Variants in SNX7 observed in about 807,000 individuals in gnomAD.
SNX7 encodes sorting nexin 7, also known as sorting nexin-7.
A neutral mutation model predicts 48.4 loss-of-function variants in SNX7; 35 were observed. The ratio of observed to expected loss-of-function variants is 0.72; its 90% CI spans 0.55 to 0.96. The LOEUF (loss-of-function observed/expected upper bound fraction) is 0.96, where lower values mean the gene tolerates loss of function less well. SNX7 is among the 40% of genes least tolerant of loss of function. The pLI, the probability that SNX7 is intolerant of heterozygous loss-of-function variation, is 0.00. For synonymous variants in SNX7, 190 were observed against 190.2 expected (o/e 1.00, Z 0.01); for missense variants, 553 against 548.9 (o/e 1.01, Z -0.07).
chr1:98,715,542 A>G (rs1652542532), intron 7 of SNX7, among the ~76,000 whole-genome samples: 1 of 152,072 alleles, frequency 6.6e-6, no homozygotes, highest in African/African-American at 2.4e-5. Flanking sequence ...TTAACTTTCA[A>G]TTTATTCATG....
At chr1:98,756,422 GTTT>G (rs35117249) in intron 8 of SNX7, among the ~76,000 whole-genome samples, 5 of 54,690 alleles carry the variant, frequency 9.1e-5, no homozygotes, top group African/African-American at 3.4e-4. Flanking sequence ...TGCCAGATGA[GTTT>G]TTTTTTTTTT....
In SNX7 at chr1:98,760,236, G is replaced by A; in HGVS notation, c.*105G>A. ...TTATAAAGTGGATGAAAAATGTTTT[G>A]TACCCATCTGGAAAACCAACAACTT... On this transcript the variant is annotated 3_prime_UTR_variant, in exon 9 of 9. Coordinates refer to ENST00000306121, the MANE Select transcript of SNX7 (RefSeq NM_015976.5). 1.2e-6 allele frequency: 1 copy of A among 856,298 alleles called. No homozygotes were observed. Among genetic ancestry groups the A allele is most frequent in the Non-Finnish European group, 1.9e-6 (1 of 533,620 alleles). The allele number at this position is 856,298 out of a possible 1,614,324, so 53.0% of individuals were successfully genotyped here.
chr1:98,691,201 T>G lies in SNX7; in HGVS notation c.474+16T>G. ...GATTATTCCAGTAAGTTTGCAAAAT[T>G]TTTTTTTTCATAGAATAGCTACCAG... On this transcript the variant is annotated intron_variant, in intron 3 of 8. Coordinates refer to ENST00000306121, the MANE Select transcript of SNX7 (RefSeq NM_015976.5). The G allele has an allele frequency of 1.9e-6, 3 of 1,556,146 alleles. No individual in the cohort carries two copies. The highest frequency in any genetic ancestry group is 2.6e-6 in the Non-Finnish European group (3 of 1,145,162).
intron 4 of SNX7, among the ~76,000 whole-genome samples, chr1:98,695,265 G>C (rs569688481): frequency 6.6e-6 from 1 of 152,176 alleles, no homozygotes; most frequent in Non-Finnish European, 1.5e-5. Context: ...TTCTTTTAAA[G>C]ATTTACGGTC....
chr1:98,685,098 T>C (rs1344192850), intron 2 of SNX7, 31 bp downstream of exon 2: 4 of 1,330,434 alleles, frequency 3.0e-6, no homozygotes, highest in Non-Finnish European at 4.0e-6. Context: ...TTCTTGAATA[T>C]AGCTGCTTTT....
At chr1:98,662,047 C>T (rs1403851305) in intron 1 of SNX7, 136 bp downstream of exon 1, 36 of 981,712 alleles carry the variant, frequency 3.7e-5, no homozygotes, top group South Asian at 5.4e-5. Context: ...TGAGGTCCCC[C>T]GGGCTGCTGG....
intron 7 of SNX7, among the ~76,000 whole-genome samples, chr1:98,734,955 T>C (rs1353991334): frequency 1.3e-5 from 2 of 152,174 alleles, no homozygotes; most frequent in Non-Finnish European, 2.9e-5. Flanking sequence ...TTAAATCCTA[T>C]CTAGCCCAGT....
intron 2 of SNX7, among the ~76,000 whole-genome samples, chr1:98,686,098 G>C (rs574921122): frequency 1.3e-5 from 2 of 152,204 alleles, no homozygotes; most frequent in African/African-American, 4.8e-5. Flanking sequence ...TCTGTTTGCT[G>C]TGTCCATCCC....
chr1:98,670,824 AC>A (rs1649815841), intron 1 of SNX7, among the ~76,000 whole-genome samples: 1 of 151,968 alleles, frequency 6.6e-6, no homozygotes, highest in Non-Finnish European at 1.5e-5. Context: ...AATTATGAGG[AC>A]CTATAGGAAA....
chr1:98,695,436 C>T, intron 4 of SNX7, 82 bp from the exon 5 acceptor site: 1 of 1,306,526 alleles, frequency 7.7e-7, no homozygotes, highest in South Asian at 1.3e-5. Context: ...TGATTTTATT[C>T]TCCTAATTAG....
At chr1:98,671,331 A>G (rs542423438) in intron 1 of SNX7, among the ~76,000 whole-genome samples, 7 of 152,156 alleles carry the variant, frequency 4.6e-5, no homozygotes, top group Non-Finnish European at 7.4e-5. Context: ...GCATGTATCA[A>G]TCAAGCTGGA....
intron 5 of SNX7, among the ~76,000 whole-genome samples, chr1:98,696,910 C>T (rs1340440686): frequency 1.3e-5 from 2 of 151,908 alleles, no homozygotes; most frequent in Non-Finnish European, 2.9e-5. Flanking sequence ...TAAGATGGTA[C>T]CTGTTAAGCT....
intron 1 of SNX7, among the ~76,000 whole-genome samples, chr1:98,671,871 CAT>C (rs1649884707): frequency 6.6e-6 from 1 of 151,910 alleles, no homozygotes; most frequent in African/African-American, 2.4e-5. Flanking sequence ...GATTTTATAT[CAT>C]AGTTTTATTT....
chr1:98,705,490 G>T (rs559529263), intron 7 of SNX7, among the ~76,000 whole-genome samples: 2 of 152,250 alleles, frequency 1.3e-5, no homozygotes, highest in East Asian at 3.9e-4. Context: ...CAAATAAATT[G>T]CTTGGATCAT....
intron 8 of SNX7, among the ~76,000 whole-genome samples, chr1:98,739,760 G>A (rs1418422542): frequency 6.6e-6 from 1 of 152,300 alleles, no homozygotes; most frequent in Non-Finnish European, 1.5e-5. Context: ...GAGAGAACAT[G>A]TTCAGATAAC....
intron 7 of SNX7, among the ~76,000 whole-genome samples, chr1:98,702,981 C>T (rs555994278): frequency 6.6e-6 from 1 of 152,098 alleles, no homozygotes; most frequent in Non-Finnish European, 1.5e-5. Context: ...CTGCATCCCC[C>T]CTCCCTGCTT....
At chr1:98,744,055 A>G (rs1008402160) in intron 8 of SNX7, among the ~76,000 whole-genome samples, 6 of 152,060 alleles carry the variant, frequency 3.9e-5, no homozygotes, top group Non-Finnish European at 5.9e-5. Context: ...CAATGAGGGG[A>G]ATAGTCTCCC....
intron 4 of SNX7, among the ~76,000 whole-genome samples, chr1:98,693,914 T>A (rs902845880): frequency 2.6e-5 from 4 of 152,210 alleles, no homozygotes; most frequent in Non-Finnish European, 5.9e-5. Flanking sequence ...ATTATTAAAA[T>A]CCCTTGTCCT....
chr1:98,712,287 T>C (rs1652354665), intron 7 of SNX7, among the ~76,000 whole-genome samples: 1 of 152,158 alleles, frequency 6.6e-6, no homozygotes, highest in Non-Finnish European at 1.5e-5. Context: ...TTTACTCAGT[T>C]CCATCAAGGG....
Sources: gnomAD v4.1 joint callset for allele counts (sites outside exome capture counted in the v4.1 genomes callset) on GRCh38, gnomAD v4.1.1 for gene constraint, MANE v1.5 for transcripts, NCBI Gene and HGNC (gene_info 2026-07-23, HGNC 2026-07-21) for gene names.